The following DSN1 variants were observed in gnomAD, a reference collection of about 807,000 sequenced individuals.
The protein encoded by DSN1 is DSN1 component of MIS12 kinetochore complex.
In DSN1, 31 loss-of-function variants were observed where a neutral mutation model predicts 45.7. The observed-to-expected ratio is 0.68, with a 90% confidence interval of 0.51 to 0.92. The LOEUF (loss-of-function observed/expected upper bound fraction) is 0.92. Ranked by LOEUF, DSN1 falls within the 40% of genes least tolerant of loss-of-function variation. The pLI is 0.00. For synonymous variants in DSN1, 134 were observed against 142.3 expected (o/e 0.94, Z 0.41); for missense variants, 394 against 414.2 (o/e 0.95, Z 0.42).
intron 8 of DSN1, among the ~76,000 whole-genome samples, chr20:36,756,314 C>G (rs1986675499): frequency 6.6e-6 from 1 of 152,088 alleles, no homozygotes; most frequent in Non-Finnish European, 1.5e-5. Context: ...GTCTAGTATT[C>G]ATGTCTTTAT....
chr20:36,767,129 C>T (rs1217699036), intron 4 of DSN1, among the ~76,000 whole-genome samples: 1 of 151,744 alleles, frequency 6.6e-6, no homozygotes, highest in Non-Finnish European at 1.5e-5. Context: ...CATGGTGAAA[C>T]CCCATCTCTA....
At chr20:36,773,600 G>A in intron 1 of DSN1, 62 bp downstream of exon 1, 1 of 985,698 alleles carries the variant, frequency 1.0e-6, no homozygotes, top group Non-Finnish European at 1.2e-6. Context: ...GCGGCGGGCG[G>A]GGCCACATCA....
At chr20:36,765,382 C>A (rs554036297) in intron 5 of DSN1, among the ~76,000 whole-genome samples, 1 of 151,724 alleles carries the variant, frequency 6.6e-6, no homozygotes, top group Admixed American at 6.6e-5. Context: ...ATGGAGAAAC[C>A]CCGTCTCTAC....
At chr20:36,755,542 G>T in intron 9 of DSN1, 140 bp downstream of exon 9, 1 of 973,842 alleles carries the variant, frequency 1.0e-6, no homozygotes, top group Non-Finnish European at 1.5e-6. Context: ...TTTTTTAATT[G>T]TCTCTCCATG....
intron 3 of DSN1, among the ~76,000 whole-genome samples, chr20:36,769,912 C>T (rs1987543337): frequency 3.0e-5 from 3 of 101,466 alleles, no homozygotes; most frequent in Non-Finnish European, 6.6e-5. Flanking sequence ...TACACACACA[C>T]ACACACACAC....
chr20:36,768,123 C>T, intron 3 of DSN1, 81 bp from the exon 4 acceptor site: 2 of 1,365,262 alleles, frequency 1.5e-6, no homozygotes, highest in Non-Finnish European at 2.1e-6. Flanking sequence ...TGTCCTCCCT[C>T]TTGATAAATC....
In DSN1 at chr20:36,758,095, T is replaced by C; in HGVS notation, c.717A>G (p.Ile239Met). The change falls in exon 8 of 11, where the codon ATA (isoleucine) becomes ATG (methionine). Residue 239 changes from isoleucine (I) to methionine (M), a missense_variant. Transcript: ENST00000373750. ...CAGTTCATAGATCTAACCTGGACAA[T>C]ATCTCTTTAGCCTCCTGCTGGTAGT... ...LLHYQQEAKE[I>M]LSRGSTEAKI... The C allele has an allele frequency of 1.2e-6, 2 of 1,613,886 alleles. No individual in the cohort carries two copies. The highest frequency in any genetic ancestry group is 1.7e-6 in the Non-Finnish European group (2 of 1,179,862).
chr20:36,759,850 CTT>C lies in DSN1; in HGVS notation c.591-1235_591-1234del, dbSNP rs563936431. 5.9e-5 allele frequency among the ~76,000 whole-genome samples: 9 copies of C among 152,224 alleles called. No individual in the cohort carries two copies. In the South Asian group the frequency reaches 1.0e-3, roughly 18 times the overall value. On this transcript the variant is annotated intron_variant, in intron 6 of 10. Coordinates refer to ENST00000373750, the MANE Select transcript of DSN1 (RefSeq NM_001145315.2). ...TAGGTAATAGCTTTCTAAGTGGTCT[CTT>C]TATATTCTGTTTCTCTTATCAATTC...
At chr20:36,764,693 G>C (rs1023441835) in intron 5 of DSN1, among the ~76,000 whole-genome samples, 1 of 152,124 alleles carries the variant, frequency 6.6e-6, no homozygotes, top group Non-Finnish European at 1.5e-5. Context: ...AGCTGAGGTG[G>C]GTGAATCACC....
rs1216038347 is a variant in DSN1 at position 36,758,548 on chromosome 20, G to T, written c.650+10C>A. 2 of 1,595,354 alleles carry T rather than the reference G, an allele frequency of 1.3e-6. No homozygotes were observed. The highest frequency in any genetic ancestry group is 1.1e-5 in the South Asian group (1 of 87,320). ...AACGAATTTAGATTTTCTAACAAAG[G>T]TTAACTTACTTTGTTATGTATTCCT... On this transcript the variant is annotated intron_variant, in intron 7 of 10. Coordinates refer to ENST00000373750, the MANE Select transcript of DSN1 (RefSeq NM_001145315.2).
chr20:36,763,907 A>AAG (rs1178162070), intron 5 of DSN1, among the ~76,000 whole-genome samples: 1 of 149,258 alleles, frequency 6.7e-6, no homozygotes, highest in Non-Finnish European at 1.5e-5. Context: ...AAAAAAAAAA[A>AAG]AAAAGAAAGA....
intron 8 of DSN1, 142 bp from the exon 9 acceptor site, chr20:36,755,971 T>A: frequency 1.1e-6 from 1 of 918,892 alleles, no homozygotes; most frequent in Non-Finnish European, 1.6e-6. Context: ...AAGGTTTTTT[T>A]TTGTTTGTTT....
In DSN1 at chr20:36,773,757, G is replaced by A. The variant is rs1401638434; in HGVS notation, c.-111C>T. The A allele has an allele frequency of 4.9e-5, 48 of 985,366 alleles. No homozygotes were observed. The highest frequency in any genetic ancestry group is 5.3e-5 in the Non-Finnish European group (44 of 829,962). The allele number at this position is 985,366 out of a possible 1,614,324, so 61.0% of individuals were successfully genotyped here. On this transcript the variant is annotated 5_prime_UTR_variant, in exon 1 of 11. Coordinates refer to ENST00000373750, the MANE Select transcript of DSN1 (RefSeq NM_001145315.2). Reference sequence around the variant, plus strand: ...CGATACTCCCTGATCAGGGTGAAGCGGTCTCCACCTTCTACGTCACGGTCA... The same window carrying A: ...CGATACTCCCTGATCAGGGTGAAGCAGTCTCCACCTTCTACGTCACGGTCA...
Position 36,771,476 on chromosome 20 carries a change from G to A in DSN1, c.-15-3C>T. On this transcript the variant is annotated splice_polypyrimidine_tract_variant and splice_region_variant and intron_variant, in intron 1 of 10. Coordinates refer to ENST00000373750, the MANE Select transcript of DSN1 (RefSeq NM_001145315.2). ...GAAGTCATCCTAGGTGGTAAACTCT[G>A]AAAATAGGAAAATGGAAGTGATCTG... 6.2e-7 allele frequency: 1 copy of A among 1,613,106 alleles called. No homozygotes were observed.
At position 36,752,583 on chromosome 20, in the gene DSN1, T is replaced by G. The variant is rs1828683590; in HGVS notation, c.*205A>C. 1 of 449,626 alleles carries G rather than the reference T, an allele frequency of 2.2e-6. No individual in the cohort carries two copies. The highest frequency in any genetic ancestry group is 2.0e-5 in the African/African-American group (1 of 49,444). The allele number at this position is 449,626 out of a possible 1,614,324, so 27.9% of individuals were successfully genotyped here. A position where few individuals can be genotyped will look rare whatever the true frequency, so the allele number is the denominator to read the frequency against. ...AAGAAGTTTGAACTTTCAAGCATTT[T>G]GCACATTCCTGGGAAAATTGTCTAT... On this transcript the variant is annotated 3_prime_UTR_variant, in exon 11 of 11. Coordinates refer to ENST00000373750, the MANE Select transcript of DSN1 (RefSeq NM_001145315.2).
intron 7 of DSN1, 113 bp downstream of exon 7, chr20:36,758,445 G>T: frequency 1.1e-6 from 1 of 879,348 alleles, no homozygotes; most frequent in Non-Finnish European, 1.7e-6. Context: ...TTCTAGTATT[G>T]ATGCACTAAT....
intron 3 of DSN1, 58 bp from the exon 4 acceptor site, chr20:36,768,100 C>CA: frequency 6.5e-7 from 1 of 1,547,784 alleles, no homozygotes; most frequent in Non-Finnish European, 8.9e-7. Flanking sequence ...TAGCAACTAA[C>CA]AAAACTGAAA....
rs543368929 is a variant in DSN1 at position 36,752,835 on chromosome 20, G to A, written c.1024C>T (p.Gln342Ter). ...PARKLLKLQL[Q>*]NPPAIHGSGS... The stretch of plus-strand genomic sequence containing the variant: ...GATCCATGTATGGCAGGTGGGTTCT[G>A]TAGCTGAAGCTTCAACAGTTTTCGA... The change falls in exon 11 of 11, where the codon CAG becomes TAG. Residue 342 changes from glutamine (Q) to a stop codon, truncating the protein, a stop_gained. Coordinates refer to ENST00000373750, the MANE Select transcript of DSN1 (RefSeq NM_001145315.2). LOFTEE classifies it low-confidence loss of function (END_TRUNC). 66 of 1,614,208 alleles carry A rather than the reference G, an allele frequency of 4.1e-5. No homozygotes were observed. In the South Asian group the frequency reaches 4.5e-4, roughly 11 times the overall value.
rs374837222 is a variant in DSN1 at position 36,770,901 on chromosome 20, C to T, written c.327G>A (p.Ser109=). The T allele has an allele frequency of 4.7e-5, 75 of 1,612,342 alleles. No individual in the cohort carries two copies. The highest frequency in any genetic ancestry group is 1.8e-4 in the Middle Eastern group (1 of 5,666). ...ASMKETNRRK[S]LHPIHQGITE... ...TGATGCCCTGGTGAATGGGATGCAG[C>T]GACTTCCGCCGGTTCGTTTCTTTCA... The change falls in exon 3 of 11, where the codon TCG becomes TCA. Residue 109 remains serine (S), a synonymous_variant. Coordinates refer to ENST00000373750, the MANE Select transcript of DSN1 (RefSeq NM_001145315.2).
Sources: allele counts gnomAD v4.1 joint callset (sites outside exome capture counted in the v4.1 genomes callset), GRCh38; gene constraint gnomAD v4.1.1; transcripts MANE v1.5; gene names NCBI Gene and HGNC (gene_info 2026-07-23, HGNC 2026-07-21).